MEP1A: variants seen among roughly 807,000 people sequenced by gnomAD.
The protein encoded by MEP1A is N-benzoyl-L-tyrosyl-P-amino-benzoic acid hydrolase subunit alpha.
MEP1A carries 68 observed loss-of-function variants against 84.5 expected under a neutral mutation model. The ratio of observed to expected loss-of-function variants is 0.80; its 90% CI spans 0.66 to 0.98. The LOEUF (loss-of-function observed/expected upper bound fraction) is 0.98. MEP1A is among the 50% of genes least tolerant of loss of function. The probability of loss-of-function intolerance (pLI) is 0.00; values close to 1 mark genes in which losing one functional copy is unlikely to be tolerated. For missense variants in MEP1A, 887 were observed against 919.9 expected, an observed-to-expected ratio of 0.96 and a Z score of 0.46; for synonymous variants, 337 against 336.8, an observed-to-expected ratio of 1.00 and a Z score of -0.01.
rs74460568 is a variant in MEP1A, at chr6:46,797,716, C to T, written c.146-890C>T. Among the ~76,000 whole-genome samples, 1,514 of 152,262 alleles carry T rather than the reference C, an allele frequency of 9.9e-3. 32 individuals carry two copies. The highest frequency in any genetic ancestry group is 0.034 in the African/African-American group (1,432 of 41,528). On this transcript the variant is annotated intron_variant, in intron 3 of 13. Transcript: ENST00000230588. ...GGCCACTTGATTACATAGTACATCA[C>T]TTCATGTCTCTGGACTCTATTTCTT...
chr6:46,813,882 A>G (rs983329084), intron 6 of MEP1A, among the ~76,000 whole-genome samples: 1 of 152,180 alleles, frequency 6.6e-6, no homozygotes, highest in South Asian at 2.1e-4. Flanking sequence ...TAGGACCCCA[A>G]TGCCTTCTAG....
At chr6:46,822,657 C>A (rs561524385) in intron 7 of MEP1A, among the ~76,000 whole-genome samples, 1 of 152,090 alleles carries the variant, frequency 6.6e-6, no homozygotes, top group Non-Finnish European at 1.5e-5. Flanking sequence ...GATTCTCATG[C>A]CTCAGCCTCC....
intron 5 of MEP1A, among the ~76,000 whole-genome samples, chr6:46,801,897 C>G (rs1767204167): frequency 6.6e-6 from 1 of 151,926 alleles, no homozygotes; most frequent in African/African-American, 2.4e-5. Flanking sequence ...GTCTCGTTTG[C>G]CAAGTTTGCC....
rs1443080698 is a variant in MEP1A, at chr6:46,839,619, A to G, written c.*483A>G. On this transcript the variant is annotated 3_prime_UTR_variant, in exon 14 of 14. Coordinates refer to ENST00000230588, the MANE Select transcript of MEP1A (RefSeq NM_005588.3). ...TATGTTGAATATGTTAGAATCAAAT[A>G]CTCATTTTTCATTAGATACAGTAGT... is the stretch of plus-strand genomic sequence containing the variant. 1.3e-5 allele frequency: 2 copies of G among 152,106 alleles called. No individual in the cohort carries two copies. The allele number at this position is 152,106 out of a possible 1,614,324, so 9.4% of individuals were successfully genotyped here.
chr6:46,823,096 A>C (rs1468429062), intron 7 of MEP1A, among the ~76,000 whole-genome samples: 1 of 152,186 alleles, frequency 6.6e-6, no homozygotes, highest in Admixed American at 6.5e-5. Context: ...AGTAATCCCC[A>C]ATATAATCCC....
intron 3 of MEP1A, among the ~76,000 whole-genome samples, chr6:46,798,385 T>C (rs1298302415): frequency 1.3e-5 from 2 of 152,192 alleles, no homozygotes; most frequent in African/African-American, 2.4e-5. Flanking sequence ...TTAGACAAGA[T>C]TTCTTGTCCC....
intron 7 of MEP1A, among the ~76,000 whole-genome samples, chr6:46,821,041 A>G (rs1767761162): frequency 6.6e-6 from 1 of 152,160 alleles, no homozygotes. Context: ...GGGGCTTGGA[A>G]GAACTGACCA....
intron 6 of MEP1A, among the ~76,000 whole-genome samples, chr6:46,810,801 T>C (rs1174927243): frequency 6.6e-6 from 1 of 152,138 alleles, no homozygotes; most frequent in Non-Finnish European, 1.5e-5. Context: ...ATTTCTGGGT[T>C]CTCTATTCTG....
chr6:46,808,924 T>C (rs925819734), intron 5 of MEP1A, among the ~76,000 whole-genome samples: 2 of 151,970 alleles, frequency 1.3e-5, no homozygotes, highest in Non-Finnish European at 2.9e-5. Flanking sequence ...GCTTTCCTCC[T>C]CCAGAAAGAG....
downstream of MEP1A, among the ~76,000 whole-genome samples, chr6:46,840,497 A>G (rs1205479813): frequency 6.6e-6 from 1 of 152,080 alleles, no homozygotes; most frequent in Non-Finnish European, 1.5e-5. Flanking sequence ...CTCCCCCACA[A>G]CCTCCACCTC....
chr6:46,799,013 A>T, intron 4 of MEP1A, 93 bp from the exon 5 acceptor site: 1 of 791,666 alleles, frequency 1.3e-6, no homozygotes, highest in Non-Finnish European at 2.2e-6. Context: ...GTTGTGTGAT[A>T]GACTGTTTGC....
rs1031037479 is a variant in MEP1A at position 46,819,648 on chromosome 6, A to C, written c.500A>C (p.Gln167Pro). The change falls in exon 7 of 14, where the codon CAG (glutamine) becomes CCG (proline). Residue 167 changes from glutamine to proline, a missense_variant. Transcript: ENST00000230588. ...CATGCTTTGGGATTTTACCACGAGC[A>C]GTCAAGGACGGACCGGGATGATTAT... Reference protein sequence around the residue: ...ILHALGFYHEQSRTDRDDYVN... With the variant: ...ILHALGFYHEPSRTDRDDYVN... 4 of 1,614,182 alleles carry C rather than the reference A, an allele frequency of 2.5e-6. No homozygotes were observed. Among genetic ancestry groups the C allele is most frequent in the Middle Eastern group, 1.7e-4 (1 of 6,060 alleles).
Position 46,793,465 on chromosome 6 carries a change from C to T in MEP1A, c.67C>T (p.Pro23Ser). 2 of 1,611,132 alleles carry T rather than the reference C, an allele frequency of 1.2e-6. No homozygotes were observed. Among genetic ancestry groups the T allele is most frequent in the Non-Finnish European group, 1.7e-6 (2 of 1,178,884 alleles). ...GCTTTTTGCCCACATAGCAGCTGTACCGGTAAGTCGAGTCCTGCTTTTTGG... is the reference window on the plus strand; with the variant it reads ...GCTTTTTGCCCACATAGCAGCTGTATCGGTAAGTCGAGTCCTGCTTTTTGG... ...TLLFAHIAAV[P>S]IKYLPEENVH... Residue 23 changes from proline (P) to serine (S), a missense_variant and splice_region_variant, in exon 1 of 14, where the codon CCG (proline) becomes TCG (serine). Transcript: ENST00000230588.
chr6:46,835,365 A>G lies in MEP1A; in HGVS notation c.1900A>G (p.Met634Val), dbSNP rs2297019. ...CTCCGAAGAAGGTTCGGGAAAGGCC[A>G]TGTTAGAGGAAGCCCTACCTGTCAG... ...QVSEEGSGKA[M>V]LEEALPVSLS... is the part of the protein sequence containing the mutation. Residue 634 changes from methionine to valine, a missense_variant, in exon 13 of 14, where the codon ATG (methionine) becomes GTG (valine). Met to Val is a conservative substitution (Grantham distance 21). Coordinates refer to ENST00000230588, the MANE Select transcript of MEP1A (RefSeq NM_005588.3). 416,937 of 1,610,370 alleles carry G rather than the reference A, an allele frequency of 0.26. 56,640 individuals carry two copies. The highest frequency in any genetic ancestry group is 0.46 in the African/African-American group (34,601 of 74,918).
At chr6:46,824,613 AAT>A (rs1491160559) in intron 7 of MEP1A, among the ~76,000 whole-genome samples, 6 of 133,164 alleles carry the variant, frequency 4.5e-5, no homozygotes, top group African/African-American at 1.5e-4. Flanking sequence ...GATGTATTTA[AAT>A]ATATATAAAT....
chr6:46,816,932 A>G lies in MEP1A; in HGVS notation c.381-2597A>G, dbSNP rs145022930. 4.9e-3 allele frequency among the ~76,000 whole-genome samples: 752 copies of G among 152,244 alleles called. 7 individuals carry two copies. The highest frequency in any genetic ancestry group is 0.014 in the South Asian group (67 of 4,824). On this transcript the variant is annotated intron_variant, in intron 6 of 13. Coordinates refer to ENST00000230588, the MANE Select transcript of MEP1A (RefSeq NM_005588.3). ...TGGAGAGCCATGTGTGAGGGAACCT[A>G]TTGTTTGGTGCAAGGTTCATTCTAT...
intron 6 of MEP1A, among the ~76,000 whole-genome samples, chr6:46,816,467 T>A (rs1160807122): frequency 6.7e-6 from 1 of 148,320 alleles, no homozygotes; most frequent in Non-Finnish European, 1.5e-5. Flanking sequence ...ACTGAGAAAG[T>A]GTGGGATGAA....
At chr6:46,823,012 C>T (rs1767817911) in intron 7 of MEP1A, among the ~76,000 whole-genome samples, 1 of 152,200 alleles carries the variant, frequency 6.6e-6, no homozygotes, top group Non-Finnish European at 1.5e-5. Context: ...GAGGGATTAA[C>T]TTTCCCCTTC....
chr6:46,824,783 A>ATATATAAAT (rs1455992546), intron 7 of MEP1A, among the ~76,000 whole-genome samples: 10 of 88,484 alleles, frequency 1.1e-4, no homozygotes, highest in African/African-American at 3.1e-4. Flanking sequence ...GTATTTAAAT[A>ATATATAAAT]GATGTATTTA....
Sources: gnomAD v4.1 joint callset for allele counts (sites outside exome capture counted in the v4.1 genomes callset) on GRCh38, gnomAD v4.1.1 for gene constraint, MANE v1.5 for transcripts, NCBI Gene and HGNC (gene_info 2026-07-23, HGNC 2026-07-21) for gene names.